GPC3: variants seen among roughly 807,000 people sequenced by gnomAD.
GPC3 encodes the protein glypican 3.
Under a neutral mutation model 34.4 loss-of-function variants are expected in GPC3, and 3 were observed. The ratio of observed to expected loss-of-function variants is 0.09; its 90% CI spans 0.04 to 0.23. The LOEUF is 0.23. Among genes scored for constraint, GPC3 ranks in the 10% least tolerant of loss-of-function variants. The probability of loss-of-function intolerance (pLI) is 1.00; values close to 1 mark genes in which losing one functional copy is unlikely to be tolerated. For missense variants in GPC3, 351 were observed against 445.6 expected (o/e 0.79, Z 1.91); for synonymous variants, 177 against 174.0 (o/e 1.02, Z -0.13).
rs757314098 is a variant in GPC3, at chrX:133,831,661, C to T, written c.338-77485G>A. Among the ~76,000 whole-genome samples, 7 of 111,893 alleles carry T rather than the reference C, an allele frequency of 6.3e-5. No homozygotes were observed. In the South Asian group the frequency reaches 2.6e-3, roughly 41 times the overall value. ...AGGAGAATTGCTTAAACCCAGGAGG[C>T]GGAGGTTGCGATGAGCTGAGATCGT... On this transcript the variant is annotated intron_variant, in intron 2 of 7. Coordinates refer to ENST00000370818, the MANE Select transcript of GPC3 (RefSeq NM_004484.4).
intron 2 of GPC3, among the ~76,000 whole-genome samples, chrX:133,942,149 C>T (rs2076347485): frequency 9.0e-6 from 1 of 111,510 alleles, no homozygotes; most frequent in African/African-American, 3.3e-5. Flanking sequence ...ACTATGTACC[C>T]ACAAAAATTA....
chrX:133,714,662 G>A (rs2071298239), intron 3 of GPC3, among the ~76,000 whole-genome samples: 1 of 111,546 alleles, frequency 9.0e-6, no homozygotes, highest in Non-Finnish European at 1.9e-5. Context: ...ACTATGTGCT[G>A]GACAGTGTTT....
At chrX:133,941,846 T>C (rs1444428953) in intron 2 of GPC3, among the ~76,000 whole-genome samples, 1 of 112,369 alleles carries the variant, frequency 8.9e-6, no homozygotes, top group African/African-American at 3.2e-5. Context: ...GAGCTGCTTG[T>C]TACAAATCAA....
rs143286180 is a variant in GPC3 at position 133,972,043 on chromosome X, C to A, written c.175+13232G>T. Reference sequence around the variant, plus strand: ...CCTTCAAGCTTCATAAATGAGGCAACCTTACACTCTCAAAGAACAAAGAAA... The same window carrying A: ...CCTTCAAGCTTCATAAATGAGGCAAACTTACACTCTCAAAGAACAAAGAAA... On this transcript the variant is annotated intron_variant, in intron 1 of 7. Coordinates refer to ENST00000370818, the MANE Select transcript of GPC3 (RefSeq NM_004484.4). Among the ~76,000 whole-genome samples the A allele has an allele frequency of 8.0e-3, 897 of 111,593 alleles. 15 individuals are homozygous for A. The highest frequency in any genetic ancestry group is 0.028 in the African/African-American group (859 of 30,684).
At chrX:133,714,276 TAA>T (rs926292162) in intron 3 of GPC3, among the ~76,000 whole-genome samples, 6 of 111,867 alleles carry the variant, frequency 5.4e-5, no homozygotes, top group African/African-American at 1.9e-4. Context: ...AGGAAAAAAT[TAA>T]AGAGATTTGC....
intron 2 of GPC3, among the ~76,000 whole-genome samples, chrX:133,881,883 G>T (rs755050595): frequency 8.9e-6 from 1 of 112,682 alleles, no homozygotes; most frequent in African/African-American, 3.2e-5. Context: ...GGCTTCTAAA[G>T]ATCTGCTGGT....
chrX:133,774,389 T>C (rs1186417317), intron 2 of GPC3, among the ~76,000 whole-genome samples: 1 of 111,366 alleles, frequency 9.0e-6, no homozygotes, highest in Non-Finnish European at 1.9e-5. Context: ...ATATATAATA[T>C]ATGTAACCCA....
In GPC3 at chrX:133,851,755, G is replaced by A. The variant is rs185801030; in HGVS notation, c.338-97579C>T. ...TCTGCTTATATCTCTGCAGGCTGGC[G>A]CGATTCTTCATTGTTTCTACTGTAA... On this transcript the variant is annotated intron_variant, in intron 2 of 7. Coordinates refer to ENST00000370818, the MANE Select transcript of GPC3 (RefSeq NM_004484.4). Among the ~76,000 whole-genome samples, 5 of 111,912 alleles carry A rather than the reference G, an allele frequency of 4.5e-5. No homozygotes were observed. The East Asian group carries it at 1.4e-3, about 32-fold the overall frequency.
intron 2 of GPC3, among the ~76,000 whole-genome samples, chrX:133,910,270 G>T (rs1428485542): frequency 1.6e-4 from 18 of 111,571 alleles, no homozygotes; most frequent in Non-Finnish European, 3.4e-4. Flanking sequence ...AAAAAAAGTA[G>T]TGGAATGTTT....
At chrX:133,937,336 T>C (rs2076327656) in intron 2 of GPC3, among the ~76,000 whole-genome samples, 2 of 111,254 alleles carry the variant, frequency 1.8e-5, no homozygotes, top group Admixed American at 9.6e-5. Flanking sequence ...CCTACAAAGA[T>C]AATTGAAGCT....
intron 3 of GPC3, among the ~76,000 whole-genome samples, chrX:133,741,491 A>C (rs749944380): frequency 4.7e-4 from 52 of 111,202 alleles, no homozygotes; most frequent in Non-Finnish European, 9.0e-4. Flanking sequence ...CATTCCAGAC[A>C]ACTGAGTCAG....
chrX:133,601,401 C>A (rs1338429007), intron 6 of GPC3, among the ~76,000 whole-genome samples: 2 of 111,588 alleles, frequency 1.8e-5, no homozygotes, highest in Non-Finnish European at 3.8e-5. Context: ...CTTATTAAAA[C>A]TGTATTTTCA....
At chrX:133,885,356 A>G (rs773302377) in intron 2 of GPC3, among the ~76,000 whole-genome samples, 82 of 111,867 alleles carry the variant, frequency 7.3e-4, no homozygotes, top group South Asian at 1.9e-3. Context: ...TTTCCCTTAT[A>G]TATGATCCTC....
intron 4 of GPC3, among the ~76,000 whole-genome samples, chrX:133,696,754 A>C (rs1169924618): frequency 1.8e-5 from 2 of 112,594 alleles, no homozygotes; most frequent in Non-Finnish European, 3.8e-5. Flanking sequence ...AATGTGATTG[A>C]AGGGAATGTT....
At chrX:133,765,030 C>A (rs1326089043) in intron 2 of GPC3, among the ~76,000 whole-genome samples, 2 of 111,456 alleles carry the variant, frequency 1.8e-5, no homozygotes, top group African/African-American at 3.3e-5. Flanking sequence ...CTGATGGTAC[C>A]CAAAGAAGTA....
Position 133,692,269 on chromosome X carries a change from T to C in GPC3, c.1292+100A>G, listed in dbSNP as rs17000468. 3.3e-3 allele frequency: 2,986 copies of C among 907,707 alleles called. 46 individuals carry two copies. The African/African-American group carries it at 0.046, about 14-fold the overall frequency. The allele number at this position is 907,707 out of a possible 1,213,427, so 74.8% of individuals were successfully genotyped here. A position where few individuals can be genotyped will look rare whatever the true frequency, so the allele number is the denominator to read the frequency against. On this transcript the variant is annotated intron_variant, in intron 5 of 7. Coordinates refer to ENST00000370818, the MANE Select transcript of GPC3 (RefSeq NM_004484.4). ...CTCATAGATTTCTCTAGAATTTTTC[T>C]GGTGCAATTAATGGAGATAGAAGAC...
intron 2 of GPC3, among the ~76,000 whole-genome samples, chrX:133,807,341 C>T (rs1339630366): frequency 8.9e-6 from 1 of 111,965 alleles, no homozygotes. Flanking sequence ...CTGAGGTCCT[C>T]ACCAGAAGCA....
At chrX:133,948,029 A>C (rs575926434) in intron 2 of GPC3, among the ~76,000 whole-genome samples, 5 of 111,040 alleles carry the variant, frequency 4.5e-5, no homozygotes, top group African/African-American at 1.6e-4. Flanking sequence ...ACAGAGCTGG[A>C]GTGCGGGCAG....
intron 1 of GPC3, among the ~76,000 whole-genome samples, chrX:133,966,701 A>G (rs926483994): frequency 2.7e-5 from 3 of 112,079 alleles, no homozygotes; most frequent in African/African-American, 9.7e-5. Context: ...CCGAGTGAGA[A>G]GCGCTGTTAT....
Sources: allele counts gnomAD v4.1 joint callset (sites outside exome capture counted in the v4.1 genomes callset), GRCh38; gene constraint gnomAD v4.1.1; transcripts MANE v1.5; gene names NCBI Gene and HGNC (gene_info 2026-07-23, HGNC 2026-07-21).